ZNF423: variants seen among roughly 807,000 people sequenced by gnomAD.
The protein encoded by ZNF423 is zinc finger protein 423.
A neutral mutation model predicts 95.8 loss-of-function variants in ZNF423; 12 were observed. The ratio of observed to expected loss-of-function variants is 0.13; its 90% CI spans 0.08 to 0.20. The LOEUF (loss-of-function observed/expected upper bound fraction) is 0.20. ZNF423 is among the 10% of genes least tolerant of loss of function. The pLI, the probability that ZNF423 is intolerant of heterozygous loss-of-function variation, is 1.00. For missense variants in ZNF423, 1,316 were observed against 1,737.1 expected (o/e 0.76, Z 4.31); for synonymous variants, 749 against 711.9 (o/e 1.05, Z -0.83).
intron 3 of ZNF423, among the ~76,000 whole-genome samples, chr16:49,693,849 T>C (rs1387722250): frequency 2.0e-5 from 3 of 152,160 alleles, no homozygotes; most frequent in Admixed American, 2.0e-4. Flanking sequence ...CTCCTAAGGA[T>C]CCGGCCAGGC....
chr16:49,803,272 ATAAAAAT>A (rs998251344), intron 1 of ZNF423, among the ~76,000 whole-genome samples: 5 of 147,584 alleles, frequency 3.4e-5, no homozygotes, highest in Admixed American at 7.2e-5. Context: ...AAAATAAAAA[ATAAAAAT>A]AAACGGAGAC....
At chr16:49,672,744 G>A (rs1407198826) in intron 3 of ZNF423, among the ~76,000 whole-genome samples, 1 of 152,130 alleles carries the variant, frequency 6.6e-6, no homozygotes, top group Non-Finnish European at 1.5e-5. Context: ...TGAAACCCCA[G>A]GCAACGGAGG....
intron 1 of ZNF423, among the ~76,000 whole-genome samples, chr16:49,834,324 T>C (rs1567365088): frequency 6.6e-6 from 1 of 151,546 alleles, no homozygotes; most frequent in African/African-American, 2.4e-5. Context: ...ACCCTAAACG[T>C]AGTCAGCAGT....
At chr16:49,616,872 T>C (rs1476807601) in intron 5 of ZNF423, among the ~76,000 whole-genome samples, 1 of 152,162 alleles carries the variant, frequency 6.6e-6, no homozygotes, top group Non-Finnish European at 1.5e-5. Flanking sequence ...TCTATCATCA[T>C]CATCATCTAA....
intron 2 of ZNF423, among the ~76,000 whole-genome samples, chr16:49,732,676 G>C (rs1567317443): frequency 6.6e-6 from 1 of 152,204 alleles, no homozygotes; most frequent in African/African-American, 2.4e-5. Flanking sequence ...CAGACACGAA[G>C]CAAAGAATGC....
rs1243611785 is a variant in ZNF423, at chr16:49,625,850, AC to A, written c.3601+319del. On this transcript the variant is annotated intron_variant, in intron 5 of 7. Coordinates refer to ENST00000563137, the MANE Select transcript of ZNF423 (RefSeq NM_001379286.1). The stretch of plus-strand genomic sequence containing the variant: ...GCAGTTAAATCTATTCAATGTCATG[AC>A]ACACAAAATTGAAGCATAATTGCTC... 2.0e-5 allele frequency among the ~76,000 whole-genome samples: 3 copies of A among 152,246 alleles called. No homozygotes were observed. The East Asian group carries it at 5.8e-4, about 29-fold the overall frequency.
At chr16:49,830,756 A>G (rs1319908263) in intron 1 of ZNF423, among the ~76,000 whole-genome samples, 1 of 152,152 alleles carries the variant, frequency 6.6e-6, no homozygotes, top group Non-Finnish European at 1.5e-5. Flanking sequence ...GACAGAGCAT[A>G]AAGACAGAAG....
At position 49,637,358 on chromosome 16, in the gene ZNF423, C is replaced by T. The variant is rs1972770109; in HGVS notation, c.1818G>A (p.Lys606=). ...HKNIPLAHSK[K]SKAEQSPVSS... ...AGACTGGGCTCTGCTCGGCCTTGGA[C>T]TTCTTGCTGTGGGCCAGTGGAATGT... The change falls in exon 4 of 8, where the codon AAG becomes AAA. Residue 606 remains lysine (K), a synonymous_variant. Coordinates refer to ENST00000563137, the MANE Select transcript of ZNF423 (RefSeq NM_001379286.1). This position sits in a 1 kb window ranked among gnomAD's most constrained non-coding sequence, Gnocchi z 5.6. 1.9e-6 allele frequency: 3 copies of T among 1,614,250 alleles called. No homozygotes were observed. In the East Asian group the frequency reaches 6.7e-5, roughly 36 times the overall value.
At chr16:49,752,384 G>A (rs557839528) in intron 2 of ZNF423, among the ~76,000 whole-genome samples, 1 of 152,350 alleles carries the variant, frequency 6.6e-6, no homozygotes, top group Admixed American at 6.5e-5. Flanking sequence ...ATAACCACCT[G>A]GGCATCCACA....
intron 3 of ZNF423, among the ~76,000 whole-genome samples, chr16:49,639,125 T>A (rs1450993093): frequency 6.6e-6 from 1 of 152,160 alleles, no homozygotes; most frequent in African/African-American, 2.4e-5. Flanking sequence ...TGCCTGGACC[T>A]GGCAGGACAT....
rs374593922 is a variant in ZNF423, at chr16:49,664,784, G to A, written c.302-25910C>T. 1.1e-3 allele frequency among the ~76,000 whole-genome samples: 162 copies of A among 152,348 alleles called. 1 individual carries two copies. The highest frequency in any genetic ancestry group is 3.4e-3 in the African/African-American group (142 of 41,580). ...TCCAGGGAAAACCCCGCTGCTCACC[G>A]AAAGGTGCCCCAACCAGAGCGAAAG... On this transcript the variant is annotated intron_variant, in intron 3 of 7. Transcript: ENST00000563137.
Position 49,775,503 on chromosome 16 carries a change from G to A in ZNF423, c.100+13984C>T, listed in dbSNP as rs1361466825. The stretch of plus-strand genomic sequence containing the variant: ...AGTTAGCACTTATTGGGGACATGCT[G>A]TGTGCCAGGCACCATGCTGGACACA... On this transcript the variant is annotated intron_variant, in intron 2 of 7. Transcript: ENST00000563137. Among the ~76,000 whole-genome samples the A allele has an allele frequency of 2.0e-5, 3 of 152,186 alleles. No homozygotes were observed. The East Asian group carries it at 5.8e-4, about 29-fold the overall frequency.
chr16:49,661,396 G>A (rs984926601), intron 3 of ZNF423, among the ~76,000 whole-genome samples: 1 of 152,166 alleles, frequency 6.6e-6, no homozygotes, highest in African/African-American at 2.4e-5. Context: ...CACCAGGGGG[G>A]ACCCCCAAAA....
intron 3 of ZNF423, among the ~76,000 whole-genome samples, chr16:49,714,753 T>G (rs1157958413): frequency 6.7e-6 from 1 of 148,560 alleles, no homozygotes; most frequent in Non-Finnish European, 1.5e-5. Context: ...AAACCCCATC[T>G]CTACAAAAAA....
chr16:49,747,655 TTA>T (rs2033553461), intron 2 of ZNF423, among the ~76,000 whole-genome samples: 1 of 71,928 alleles, frequency 1.4e-5, no homozygotes. Flanking sequence ...GATATTTCAT[TTA>T]AAAAAAAAAA....
chr16:49,804,927 A>C (rs2034638999), intron 1 of ZNF423, among the ~76,000 whole-genome samples: 1 of 113,198 alleles, frequency 8.8e-6, no homozygotes, highest in Admixed American at 1.2e-4. Flanking sequence ...ACAGAGTCTT[A>C]CTTACTCTGT....
rs1477853963 is a variant in ZNF423, at chr16:49,635,984, A to G, written c.3192T>C (p.Asn1064=). 7 of 1,601,010 alleles carry G rather than the reference A, an allele frequency of 4.4e-6. No homozygotes were observed. The highest frequency in any genetic ancestry group is 1.7e-5 in the Admixed American group (1 of 59,464). Residue 1064 remains asparagine (N), a synonymous_variant, in exon 4 of 8, where the codon AAT becomes AAC. Coordinates refer to ENST00000563137, the MANE Select transcript of ZNF423 (RefSeq NM_001379286.1). This position sits in a 1 kb window ranked among gnomAD's most constrained non-coding sequence, Gnocchi z 4.8. ...LAGSSAASSP[N]GQGLQKLYKC... ...TGTAGAGCTTCTGCAGCCCCTGGCC[A>G]TTGGGGGAGGACGCCGCTGAGCTGC...
intron 2 of ZNF423, among the ~76,000 whole-genome samples, chr16:49,751,834 T>C (rs2033638436): frequency 6.6e-6 from 1 of 152,162 alleles, no homozygotes; most frequent in South Asian, 2.1e-4. Flanking sequence ...GAGCTTGGTG[T>C]TGTCTGCCCC....
intron 1 of ZNF423, among the ~76,000 whole-genome samples, chr16:49,817,230 C>T (rs537956546): frequency 7.2e-4 from 109 of 152,126 alleles, no homozygotes; most frequent in Non-Finnish European, 1.2e-3. Context: ...GTCCTAGCAG[C>T]GGAGAGGGGA....
Sources: gnomAD v4.1 joint callset for allele counts (sites outside exome capture counted in the v4.1 genomes callset) on GRCh38, gnomAD v4.1.1 for gene constraint, Gnocchi (gnomAD v3.1) non-coding constraint, MANE v1.5 for transcripts, NCBI Gene and HGNC (gene_info 2026-07-23, HGNC 2026-07-21) for gene names.